Variants in ANTXR1 observed in about 807,000 individuals in gnomAD.
The protein encoded by ANTXR1 is ANTXR cell adhesion molecule 1.
In ANTXR1, 19 loss-of-function variants were observed where a neutral mutation model predicts 78.1. That is an observed-to-expected ratio of 0.24 (90% CI 0.17 to 0.36). The LOEUF (loss-of-function observed/expected upper bound fraction) is 0.36. ANTXR1 is among the 10% of genes least tolerant of loss of function. The probability of loss-of-function intolerance (pLI) is 1.00; values close to 1 mark genes in which losing one functional copy is unlikely to be tolerated. For synonymous variants in ANTXR1, 273 were observed against 260.5 expected (o/e 1.05, Z -0.46); for missense variants, 518 against 718.6 (o/e 0.72, Z 3.19).
intron 8 of ANTXR1, among the ~76,000 whole-genome samples, chr2:69,079,099 A>C (rs548105523): frequency 2.6e-5 from 4 of 152,326 alleles, no homozygotes; most frequent in African/African-American, 9.6e-5. Flanking sequence ...TTATTCAAGA[A>C]GTGCTTGTTT....
At position 69,181,838 on chromosome 2, in the gene ANTXR1, C is replaced by G; in HGVS notation, c.1142C>G (p.Ser381Cys). Residue 381 changes from serine to cysteine, a missense_variant, in exon 15 of 18, where the codon TCT becomes TGT. Physicochemically the swap from Ser to Cys is moderately radical, Grantham distance 112 (BLOSUM62 -1). This residue lies in a region of ANTXR1 where 264 missense variants were observed against 391.8 expected (regional missense o/e 0.67). Coordinates refer to ENST00000303714, the MANE Select transcript of ANTXR1 (RefSeq NM_032208.3). ...AAAAAGTGGCCAACGGTAGACGCCT[C>G]TTATTATGGTGGGAGAGGCGTTGGA... Reference protein sequence around the residue: ...PKKKWPTVDASYYGGRGVGGI... With the variant: ...PKKKWPTVDACYYGGRGVGGI... 6.2e-7 allele frequency: 1 copy of G among 1,614,054 alleles called. No individual in the cohort carries two copies. Among genetic ancestry groups the G allele is most frequent in the Non-Finnish European group, 8.5e-7 (1 of 1,179,990 alleles).
intron 9 of ANTXR1, among the ~76,000 whole-genome samples, chr2:69,097,701 C>T (rs527444775): frequency 6.6e-6 from 1 of 152,260 alleles, no homozygotes; most frequent in Admixed American, 6.5e-5. Context: ...AAATATACAC[C>T]TACCATATGG....
At chr2:69,049,231 C>CA (rs751173724) in intron 3 of ANTXR1, among the ~76,000 whole-genome samples, 13 of 151,772 alleles carry the variant, frequency 8.6e-5, no homozygotes, top group Middle Eastern at 3.4e-3. Context: ...CATCCCCTGC[C>CA]AAAAAAAGAG....
chr2:69,184,435 G>A (rs773462477), intron 16 of ANTXR1, among the ~76,000 whole-genome samples: 3 of 152,172 alleles, frequency 2.0e-5, no homozygotes, highest in East Asian at 1.9e-4. Flanking sequence ...ATGCAGTGGC[G>A]TGCATGCATG....
intron 13 of ANTXR1, among the ~76,000 whole-genome samples, chr2:69,165,356 T>C (rs1288587798): frequency 6.6e-6 from 1 of 152,192 alleles, no homozygotes; most frequent in Non-Finnish European, 1.5e-5. Context: ...ATTCAGCTCA[T>C]GCAAAAAGGA....
intron 17 of ANTXR1, among the ~76,000 whole-genome samples, chr2:69,222,199 T>C (rs1675336460): frequency 6.6e-6 from 1 of 152,312 alleles, no homozygotes; most frequent in South Asian, 2.1e-4. Context: ...TCTCCTTGTC[T>C]AGTGATCCCC....
At chr2:69,026,290 A>G (rs745379906) in intron 1 of ANTXR1, among the ~76,000 whole-genome samples, 6 of 152,234 alleles carry the variant, frequency 3.9e-5, no homozygotes, top group Non-Finnish European at 8.8e-5. Context: ...TCTCAGCCCT[A>G]CCACATACTA....
intron 12 of ANTXR1, among the ~76,000 whole-genome samples, chr2:69,150,892 C>T (rs2104427982): frequency 6.6e-6 from 1 of 152,184 alleles, no homozygotes; most frequent in East Asian, 1.9e-4. Context: ...GGCATGGTCA[C>T]ATGCACCTGC....
intron 17 of ANTXR1, among the ~76,000 whole-genome samples, chr2:69,196,458 T>A (rs1404910857): frequency 1.3e-5 from 2 of 152,228 alleles, no homozygotes; most frequent in African/African-American, 4.8e-5. Flanking sequence ...AGGTCACAGA[T>A]GAGGTAAGAA....
chr2:69,117,284 A>C (rs996648594), intron 10 of ANTXR1, among the ~76,000 whole-genome samples: 1 of 152,228 alleles, frequency 6.6e-6, no homozygotes, highest in African/African-American at 2.4e-5. Flanking sequence ...CTATTTCAAC[A>C]AAACTTGGGT....
chr2:69,210,368 T>C (rs772175988), intron 17 of ANTXR1, among the ~76,000 whole-genome samples: 16 of 152,364 alleles, frequency 1.1e-4, no homozygotes, highest in Non-Finnish European at 1.9e-4. Context: ...TGTTGACCTT[T>C]AGAAACACAT....
intron 10 of ANTXR1, among the ~76,000 whole-genome samples, chr2:69,105,942 T>A (rs1225667073): frequency 1.3e-5 from 2 of 152,138 alleles, no homozygotes; most frequent in Non-Finnish European, 2.9e-5. Flanking sequence ...TGAAGCAAAA[T>A]CTGTCAAAAG....
rs1310133591 is a variant in ANTXR1, at chr2:69,055,467, G to A, written c.296+10654G>A. ...ATGATGGTAAAAAGAAATCACCATG[G>A]AGCAATTTAGCAGGTCTGGGAACAG... On this transcript the variant is annotated intron_variant, in intron 3 of 17. Transcript: ENST00000303714. 2.6e-5 allele frequency among the ~76,000 whole-genome samples: 4 copies of A among 152,230 alleles called. No homozygotes were observed. In the East Asian group the frequency reaches 7.7e-4, roughly 29 times the overall value.
intron 17 of ANTXR1, among the ~76,000 whole-genome samples, chr2:69,240,891 A>G (rs1018629815): frequency 6.6e-6 from 1 of 152,288 alleles, no homozygotes; most frequent in African/African-American, 2.4e-5. Flanking sequence ...ATGTACCTGG[A>G]CGTTTCAAAT....
rs528993849 is a variant in ANTXR1, at chr2:69,234,694, CAG to C, written c.1435-10527_1435-10526del. Among the ~76,000 whole-genome samples, 55 of 152,212 alleles carry C rather than the reference CAG, an allele frequency of 3.6e-4. 1 individual carries two copies. The East Asian group carries it at 9.8e-3, about 27-fold the overall frequency. On this transcript the variant is annotated intron_variant, in intron 17 of 17. Transcript: ENST00000303714. ...AGGAGAATCGCTTGAACCTGGGAGA[CAG>C]AGATTACAGTGAGCTGAGATTGCAC...
chr2:69,178,378 C>T (rs553321683), intron 14 of ANTXR1, among the ~76,000 whole-genome samples: 3 of 152,224 alleles, frequency 2.0e-5, no homozygotes, highest in Admixed American at 6.5e-5. Flanking sequence ...AGGCCAGCTC[C>T]GGTCAGGGGA....
intron 8 of ANTXR1, among the ~76,000 whole-genome samples, chr2:69,079,403 G>C (rs1670833079): frequency 1.3e-5 from 2 of 152,152 alleles, no homozygotes; most frequent in Non-Finnish European, 2.9e-5. Context: ...TGAGAAGGCA[G>C]CGCAGACCCG....
chr2:69,222,617 T>C (rs948075600), intron 17 of ANTXR1, among the ~76,000 whole-genome samples: 3 of 152,148 alleles, frequency 2.0e-5, no homozygotes, highest in Non-Finnish European at 2.9e-5. Flanking sequence ...GGAAGGGGGC[T>C]GGGGGTGACC....
chr2:69,170,502 A>G (rs1673952983), intron 14 of ANTXR1, among the ~76,000 whole-genome samples: 1 of 152,250 alleles, frequency 6.6e-6, no homozygotes, highest in Non-Finnish European at 1.5e-5. Context: ...GCCAGAAAAG[A>G]CAATGAGTTT....
Sources: allele counts gnomAD v4.1 joint callset (sites outside exome capture counted in the v4.1 genomes callset), GRCh38; gene constraint gnomAD v4.1.1; regional missense constraint gnomAD v4.1.1; transcripts MANE v1.5; gene names NCBI Gene and HGNC (gene_info 2026-07-23, HGNC 2026-07-21).